COL11A1: variants seen among roughly 807,000 people sequenced by gnomAD.
COL11A1 encodes the protein collagen alpha-1(XI) chain.
A neutral mutation model predicts 265.2 loss-of-function variants in COL11A1; 74 were observed. The observed-to-expected ratio is 0.28, with a 90% CI of 0.23 to 0.34. The LOEUF (loss-of-function observed/expected upper bound fraction) is 0.34, where lower values mean the gene tolerates loss of function less well. Ranked by LOEUF, COL11A1 falls within the 10% of genes least tolerant of loss-of-function variation. COL11A1 has a pLI of 1.00. For synonymous variants in COL11A1, 816 were observed against 727.6 expected (o/e 1.12, Z -1.96); for missense variants, 2,165 against 2,263.6 (o/e 0.96, Z 0.88).
At chr1:103,010,120 G>A (rs1412663761) in intron 14 of COL11A1, among the ~76,000 whole-genome samples, 1 of 152,114 alleles carries the variant, frequency 6.6e-6, no homozygotes, top group African/African-American at 2.4e-5. Flanking sequence ...TACACTTCCT[G>A]AATGTTTTAT....
intron 4 of COL11A1, among the ~76,000 whole-genome samples, chr1:103,048,582 G>C (rs937985635): frequency 1.3e-5 from 2 of 151,948 alleles, no homozygotes; most frequent in Admixed American, 6.6e-5. Flanking sequence ...GAAGGGTTTT[G>C]TGTGTCTCTA....
intron 4 of COL11A1, among the ~76,000 whole-genome samples, chr1:103,032,430 C>T (rs1668059531): frequency 6.6e-6 from 1 of 151,820 alleles, no homozygotes; most frequent in African/African-American, 2.4e-5. Context: ...AATATTGAAC[C>T]TGTGGGTGTA....
intron 41 of COL11A1, among the ~76,000 whole-genome samples, chr1:102,948,683 G>A (rs1659564991): frequency 6.6e-6 from 1 of 151,832 alleles, no homozygotes; most frequent in Admixed American, 6.6e-5. Context: ...GGAGGCTATA[G>A]TTATAAGAGA....
intron 3 of COL11A1, among the ~76,000 whole-genome samples, chr1:103,077,071 A>G (rs1222066115): frequency 1.3e-5 from 2 of 152,102 alleles, no homozygotes; most frequent in African/African-American, 2.4e-5. Context: ...ATTGTTATTG[A>G]AGGAATATAC....
At chr1:102,956,186 C>A (rs1166026222) in intron 41 of COL11A1, among the ~76,000 whole-genome samples, 1 of 152,110 alleles carries the variant, frequency 6.6e-6, no homozygotes, top group Non-Finnish European at 1.5e-5. Flanking sequence ...ATTTAGCACA[C>A]AAAAAGGCTG....
chr1:103,019,253 A>G (rs1389123834), intron 9 of COL11A1, among the ~76,000 whole-genome samples: 3 of 152,182 alleles, frequency 2.0e-5, no homozygotes, highest in African/African-American at 4.8e-5. Flanking sequence ...TTTGCTGTGT[A>G]AATGAAAGAA....
At chr1:102,920,278 C>G (rs1269529098) in intron 49 of COL11A1, 33 bp downstream of exon 49, 1 of 1,586,262 alleles carries the variant, frequency 6.3e-7, no homozygotes, top group South Asian at 1.1e-5. Context: ...TTAATTCATG[C>G]TGTTTCAAAC....
intron 4 of COL11A1, among the ~76,000 whole-genome samples, chr1:103,059,627 C>A (rs1399376938): frequency 2.0e-5 from 3 of 151,974 alleles, no homozygotes; most frequent in Non-Finnish European, 4.4e-5. Context: ...AAAAAGTAGA[C>A]AACAGGCAGG....
chr1:102,906,990 T>A (rs1289233651), intron 54 of COL11A1, among the ~76,000 whole-genome samples: 2 of 152,130 alleles, frequency 1.3e-5, no homozygotes, highest in African/African-American at 4.8e-5. Context: ...TATCCAAACC[T>A]AATATAGAAA....
At position 103,014,758 on chromosome 1, in the gene COL11A1, C is replaced by T. The variant is rs1301343225; in HGVS notation, c.1489-164G>A. The stretch of plus-strand genomic sequence containing the variant: ...TGAGATCTAGTTTGTATTGTTTTTG[C>T]TCTTTCCATTTCTTCTGGAAGTTCT... On this transcript the variant is annotated intron_variant, in intron 12 of 66. Coordinates refer to ENST00000370096, the MANE Select transcript of COL11A1 (RefSeq NM_001854.4). 3.3e-5 allele frequency among the ~76,000 whole-genome samples: 5 copies of T among 152,174 alleles called. No homozygotes were observed. The East Asian group carries it at 5.8e-4, about 18-fold the overall frequency.
In COL11A1 at chr1:102,940,450, A is replaced by G. The variant is rs759088418; in HGVS notation, c.3277-16T>C. 1 of 1,579,832 alleles carries G rather than the reference A, an allele frequency of 6.3e-7. No individual in the cohort carries two copies. Among genetic ancestry groups the G allele is most frequent in the Admixed American group, 1.7e-5 (1 of 59,580 alleles). On this transcript the variant is annotated splice_polypyrimidine_tract_variant and intron_variant, in intron 42 of 66. Coordinates refer to ENST00000370096, the MANE Select transcript of COL11A1 (RefSeq NM_001854.4). Reference sequence around the variant, plus strand: ...CTTTTTCTCCCTGTATTGAATATCCAAAGATCATTAATTTTACAGTTTTGA... The same window carrying G: ...CTTTTTCTCCCTGTATTGAATATCCGAAGATCATTAATTTTACAGTTTTGA...
At chr1:102,924,405 A>G (rs1656348770) in intron 46 of COL11A1, among the ~76,000 whole-genome samples, 1 of 152,192 alleles carries the variant, frequency 6.6e-6, no homozygotes, top group African/African-American at 2.4e-5. Flanking sequence ...TCTTCCCAAA[A>G]ATTATTCCAT....
chr1:103,093,520 C>A (rs1571265835), intron 1 of COL11A1, among the ~76,000 whole-genome samples: 1 of 152,180 alleles, frequency 6.6e-6, no homozygotes, highest in African/African-American at 2.4e-5. Context: ...CAGGCAAATT[C>A]TACAGTTGTG....
At chr1:102,911,478 C>T (rs1222416262) in intron 54 of COL11A1, among the ~76,000 whole-genome samples, 2 of 152,010 alleles carry the variant, frequency 1.3e-5, no homozygotes, top group Non-Finnish European at 2.9e-5. Flanking sequence ...TACTCATGTG[C>T]CGGTTTGAAA....
intron 51 of COL11A1, 93 bp downstream of exon 51, chr1:102,914,611 G>C (rs1655087628): frequency 5.8e-6 from 6 of 1,035,812 alleles, no homozygotes; most frequent in Non-Finnish European, 8.9e-6. Context: ...TACCATCTAT[G>C]TTCCAGAGTC....
At chr1:103,096,611 G>T (rs1183992761) in intron 1 of COL11A1, among the ~76,000 whole-genome samples, 1 of 151,880 alleles carries the variant, frequency 6.6e-6, no homozygotes, top group African/African-American at 2.4e-5. Flanking sequence ...AACTTTAGGA[G>T]TTGACAGCCT....
chr1:103,023,228 A>G (rs1667243184), intron 7 of COL11A1, among the ~76,000 whole-genome samples: 1 of 152,224 alleles, frequency 6.6e-6, no homozygotes, highest in East Asian at 1.9e-4. Context: ...ATAAACTGCA[A>G]ATATTCACAT....
At chr1:103,091,474 A>G (rs771330779) in intron 1 of COL11A1, among the ~76,000 whole-genome samples, 1 of 152,096 alleles carries the variant, frequency 6.6e-6, no homozygotes, top group East Asian at 1.9e-4. Context: ...GTATGCTACA[A>G]TCTAATCTTT....
chr1:103,045,476 T>C (rs955960867), intron 4 of COL11A1, among the ~76,000 whole-genome samples: 1 of 152,118 alleles, frequency 6.6e-6, no homozygotes. Flanking sequence ...TAGTTGGCAC[T>C]CACTATATAC....
Sources: gnomAD v4.1 joint callset for allele counts (sites outside exome capture counted in the v4.1 genomes callset) on GRCh38, gnomAD v4.1.1 for gene constraint, MANE v1.5 for transcripts, NCBI Gene and HGNC (gene_info 2026-07-23, HGNC 2026-07-21) for gene names.